CERT1: variants seen among roughly 807,000 people sequenced by gnomAD.
CERT1 encodes ceramide transfer protein.
A neutral mutation model predicts 87.9 loss-of-function variants in CERT1; 31 were observed. The observed-to-expected ratio is 0.35, with a 90% CI of 0.27 to 0.48. The LOEUF (loss-of-function observed/expected upper bound fraction) is 0.48. Among genes scored for constraint, CERT1 ranks in the 20% least tolerant of loss-of-function variants. The pLI, the probability that CERT1 is intolerant of heterozygous loss-of-function variation, is 0.99. For synonymous variants in CERT1, 289 were observed against 250.9 expected, an observed-to-expected ratio of 1.15 and a Z score of -1.44; for missense variants, 487 against 758.0, an observed-to-expected ratio of 0.64 and a Z score of 4.20.
intron 2 of CERT1, among the ~76,000 whole-genome samples, chr5:75,497,988 T>C (rs747862606): frequency 2.0e-5 from 3 of 152,198 alleles, no homozygotes; most frequent in Non-Finnish European, 2.9e-5. Flanking sequence ...GATAATGATA[T>C]GGACAATGAA....
intron 2 of CERT1, among the ~76,000 whole-genome samples, chr5:75,461,153 G>T (rs991528099): frequency 6.6e-6 from 1 of 152,190 alleles, no homozygotes; most frequent in Non-Finnish European, 1.5e-5. Context: ...CAGACTCTAG[G>T]TCACAAACCC....
At chr5:75,475,442 A>C (rs1444212525) in intron 2 of CERT1, among the ~76,000 whole-genome samples, 1 of 152,084 alleles carries the variant, frequency 6.6e-6, no homozygotes, top group Admixed American at 6.5e-5. Context: ...CCAAATCTTA[A>C]CTTTAATACC....
chr5:75,511,860 G>A (rs370816842), upstream of CERT1: 65 of 1,533,444 alleles, frequency 4.2e-5, no homozygotes, highest in East Asian at 7.7e-4. Flanking sequence ...GAAGGGCGTT[G>A]GTCCGTCGCT....
chr5:75,413,482 G>A (rs1763013215), intron 7 of CERT1, among the ~76,000 whole-genome samples: 1 of 152,138 alleles, frequency 6.6e-6, no homozygotes, highest in Non-Finnish European at 1.5e-5. Flanking sequence ...AGTGGCATGT[G>A]CCTGTAGTCC....
chr5:75,498,255 G>T (rs1767167919), intron 2 of CERT1, among the ~76,000 whole-genome samples: 2 of 152,198 alleles, frequency 1.3e-5, no homozygotes, highest in Admixed American at 6.5e-5. Context: ...CAGAAAAGAA[G>T]AACGTATTTT....
chr5:75,383,578 T>G (rs1761670090), intron 14 of CERT1, among the ~76,000 whole-genome samples: 1 of 152,168 alleles, frequency 6.6e-6, no homozygotes, highest in Admixed American at 6.5e-5. Context: ...TTGTTATGCA[T>G]TTCTGAGCAG....
At chr5:75,420,773 A>G (rs1763345645) in intron 5 of CERT1, among the ~76,000 whole-genome samples, 1 of 152,138 alleles carries the variant, frequency 6.6e-6, no homozygotes, top group Non-Finnish European at 1.5e-5. Flanking sequence ...AAATTCCTGC[A>G]TCTTAGTTCC....
chr5:75,434,186 GTTTT>G lies in CERT1; in HGVS notation c.349-7712_349-7709del, dbSNP rs370209071. Among the ~76,000 whole-genome samples the G allele has an allele frequency of 1.4e-3, 179 of 126,756 alleles. 1 individual carries two copies. The highest frequency in any genetic ancestry group is 4.5e-3 in the African/African-American group (153 of 33,988). 83.2% of individuals were successfully genotyped at this position (126,756 alleles called of 152,430 possible). The stretch of plus-strand genomic sequence containing the variant: ...TTCCTTCAATGCCTAGTTTGTTGAG[GTTTT>G]TTTTTTTTTTTTTTTATCATGAAGG... On this transcript the variant is annotated intron_variant, in intron 3 of 16. Transcript: ENST00000643780.
At chr5:75,400,071 G>T in intron 10 of CERT1, 134 bp downstream of exon 10, 1 of 636,772 alleles carries the variant, frequency 1.6e-6, no homozygotes, top group Non-Finnish European at 2.8e-6. Flanking sequence ...GGTGGAGACT[G>T]TAGTGAGCCG....
intron 3 of CERT1, among the ~76,000 whole-genome samples, chr5:75,451,618 A>G (rs1764772321): frequency 6.6e-6 from 1 of 152,248 alleles, no homozygotes; most frequent in Admixed American, 6.5e-5. Flanking sequence ...TATATAATTT[A>G]TAAGGCAGAT....
intron 2 of CERT1, among the ~76,000 whole-genome samples, chr5:75,471,652 G>C (rs897147720): frequency 6.6e-6 from 1 of 151,518 alleles, no homozygotes; most frequent in Non-Finnish European, 1.5e-5. Context: ...CCAGCTACTC[G>C]GGAGGCTGAG....
At chr5:75,411,484 T>C (rs1330330069) in intron 7 of CERT1, among the ~76,000 whole-genome samples, 1 of 152,148 alleles carries the variant, frequency 6.6e-6, no homozygotes, top group Admixed American at 6.5e-5. Context: ...CAGCTAATTT[T>C]GGTATTTTTA....
rs138062184 is a variant in CERT1, at chr5:75,414,315, C to T, written c.837+2561G>A. On this transcript the variant is annotated intron_variant, in intron 7 of 16. Coordinates refer to ENST00000643780, the MANE Select transcript of CERT1 (RefSeq NM_001379029.1). ...TGCTAGAAAAGTTATATATCTTGAT[C>T]TGTCTATGGTTAAGGGGTGTATACA... Among the ~76,000 whole-genome samples the T allele has an allele frequency of 1.2e-3, 175 of 152,168 alleles. 5 individuals are homozygous for T. The East Asian group carries it at 0.033, about 29-fold the overall frequency.
rs1376190216 is a variant in CERT1, at chr5:75,418,129, CTGGGTAACAAG to C, written c.680-1107_680-1097del. Among the ~76,000 whole-genome samples the C allele has an allele frequency of 2.0e-5, 3 of 152,276 alleles. No homozygotes were observed. In the East Asian group the frequency reaches 5.8e-4, roughly 29 times the overall value. On this transcript the variant is annotated intron_variant, in intron 6 of 16. Transcript: ENST00000643780. ...TGAGATCACCACACTGCACTCCAGC[CTGGGTAACAAG>C]AGGGAAACTCTGTCTCAAAATAATA...
chr5:75,450,515 A>G (rs1349754683), intron 3 of CERT1, among the ~76,000 whole-genome samples: 1 of 152,158 alleles, frequency 6.6e-6, no homozygotes, highest in East Asian at 1.9e-4. Flanking sequence ...CTTACTTCCT[A>G]TAGAGAATAG....
intron 3 of CERT1, among the ~76,000 whole-genome samples, chr5:75,427,182 T>C (rs1763653486): frequency 6.6e-6 from 1 of 152,146 alleles, no homozygotes; most frequent in Non-Finnish European, 1.5e-5. Context: ...TATCTTACCT[T>C]CTCTAATACA....
chr5:75,400,972 G>A (rs1762448069), intron 9 of CERT1: 1 of 152,202 alleles, frequency 6.6e-6, no homozygotes, highest in African/African-American at 2.4e-5. Context: ...AAACATGTGT[G>A]ATGTAAGTGT....
intron 8 of CERT1, among the ~76,000 whole-genome samples, chr5:75,404,040 G>A (rs577143813): frequency 2.3e-4 from 35 of 152,266 alleles, no homozygotes; most frequent in African/African-American, 8.4e-4. Context: ...TTTCTTAAAT[G>A]TTAAAATATA....
rs1189276800 is a variant in CERT1, at chr5:75,466,689, G to GT, written c.232-7509dup. ...ATTCCAGGAGGGTCCTAAGGTAATGGTACAAACACCAGCAGGCAGCAACTT... is the reference window on the plus strand; with the variant it reads ...ATTCCAGGAGGGTCCTAAGGTAATGGTTACAAACACCAGCAGGCAGCAACTT... On this transcript the variant is annotated intron_variant, in intron 2 of 16. Coordinates refer to ENST00000643780, the MANE Select transcript of CERT1 (RefSeq NM_001379029.1). Among the ~76,000 whole-genome samples, 23 of 152,206 alleles carry GT rather than the reference G, an allele frequency of 1.5e-4. 1 individual carries two copies. The highest frequency in any genetic ancestry group is 6.8e-3 in the Middle Eastern group (2 of 294).
Sources: allele counts gnomAD v4.1 joint callset (sites outside exome capture counted in the v4.1 genomes callset), GRCh38; gene constraint gnomAD v4.1.1; transcripts MANE v1.5; gene names NCBI Gene and HGNC (gene_info 2026-07-23, HGNC 2026-07-21).